The following ASTN2 variants were observed in gnomAD, a reference collection of about 807,000 sequenced individuals.
The protein encoded by ASTN2 is astrotactin 2, also known as astrotactin-2.
Under a neutral mutation model 139.8 loss-of-function variants are expected in ASTN2, and 54 were observed. That is an observed-to-expected ratio of 0.39 (90% CI 0.31 to 0.48). ASTN2 has a LOEUF of 0.48. Among genes scored for constraint, ASTN2 ranks in the 20% least tolerant of loss-of-function variants. ASTN2 has a pLI of 0.95. For missense variants in ASTN2, 1,565 were observed against 1,725.1 expected, an observed-to-expected ratio of 0.91 and a Z score of 1.64; for synonymous variants, 756 against 719.5, an observed-to-expected ratio of 1.05 and a Z score of -0.81.
chr9:116,780,647 C>T (rs1588287282), intron 13 of ASTN2, among the ~76,000 whole-genome samples: 1 of 152,140 alleles, frequency 6.6e-6, no homozygotes, highest in Admixed American at 6.5e-5. Context: ...AACCTCATGA[C>T]CCTGGGCAAG....
chr9:117,414,395 G>A lies in ASTN2; in HGVS notation c.442+102C>T. ...TCTACCCTCTGCCAACCCCACTCGG[G>A]GCAGCCCCGGGCAGGGATCCCCAGG... On this transcript the variant is annotated intron_variant, in intron 1 of 22. Transcript: ENST00000313400. This position sits in a 1 kb window ranked among gnomAD's most constrained non-coding sequence, Gnocchi z 4.2. 3.9e-6 allele frequency: 6 copies of A among 1,537,116 alleles called. No individual in the cohort carries two copies. Among genetic ancestry groups the A allele is most frequent in the South Asian group, 1.2e-5 (1 of 82,356 alleles).
At chr9:116,907,679 A>T (rs1393770637) in intron 10 of ASTN2, among the ~76,000 whole-genome samples, 2 of 152,224 alleles carry the variant, frequency 1.3e-5, no homozygotes, top group Non-Finnish European at 2.9e-5. Context: ...TTTGGCAGAA[A>T]GGGGCTATGT....
chr9:116,450,234 C>T (rs565193086), intron 20 of ASTN2, among the ~76,000 whole-genome samples: 1 of 152,284 alleles, frequency 6.6e-6, no homozygotes, highest in East Asian at 1.9e-4. Context: ...GCTGCTTTCA[C>T]ACTACAATGG....
chr9:116,725,026 A>T (rs1236517421), intron 16 of ASTN2, among the ~76,000 whole-genome samples: 1 of 152,188 alleles, frequency 6.6e-6, no homozygotes, highest in Admixed American at 6.5e-5. Flanking sequence ...AAACACATAT[A>T]TACACATGTG....
rs769660603 is a variant in ASTN2, at chr9:116,784,206, C to T, written c.2396+21426G>A. Among the ~76,000 whole-genome samples the T allele has an allele frequency of 3.6e-4, 55 of 152,170 alleles. 1 individual carries two copies. The highest frequency in any genetic ancestry group is 5.9e-4 in the Non-Finnish European group (40 of 68,028). On this transcript the variant is annotated intron_variant, in intron 13 of 22. Coordinates refer to ENST00000313400, the MANE Select transcript of ASTN2 (RefSeq NM_001365068.1). ...AGTCTGTATTGTGTTTACTTCCCCA[C>T]TTTTCTCCTGAACAATTCAATCATA...
intron 2 of ASTN2, among the ~76,000 whole-genome samples, chr9:117,260,982 T>C (rs1833809930): frequency 6.6e-6 from 1 of 152,236 alleles, no homozygotes; most frequent in Non-Finnish European, 1.5e-5. Flanking sequence ...TATCTGTTTA[T>C]GTAAACATGA....
At chr9:116,964,215 G>GT (rs764131870) in intron 10 of ASTN2, among the ~76,000 whole-genome samples, 2 of 104,566 alleles carry the variant, frequency 1.9e-5, no homozygotes, top group Admixed American at 1.1e-4. Flanking sequence ...GACTGCCCTG[G>GT]GGTGTGTGTG....
chr9:116,901,774 G>T (rs571996442), intron 10 of ASTN2, among the ~76,000 whole-genome samples: 1 of 152,188 alleles, frequency 6.6e-6, no homozygotes, highest in African/African-American at 2.4e-5. Context: ...GGTGGCTCAC[G>T]CCTGTAATCC....
chr9:116,945,994 G>C lies in ASTN2; in HGVS notation c.1889+29214C>G, dbSNP rs956105576. Among the ~76,000 whole-genome samples, 5 of 152,342 alleles carry C rather than the reference G, an allele frequency of 3.3e-5. No homozygotes were observed. In the South Asian group the frequency reaches 6.2e-4, roughly 19 times the overall value. The stretch of plus-strand genomic sequence containing the variant: ...CAAAGGGGAAGCAAGGTCCTCCTTC[G>C]CATGGTGGTAGGAGAGAGAGAGAGC... On this transcript the variant is annotated intron_variant, in intron 10 of 22. Transcript: ENST00000313400.
intron 10 of ASTN2, among the ~76,000 whole-genome samples, chr9:116,888,350 G>A (rs1280329655): frequency 6.6e-6 from 1 of 152,170 alleles, no homozygotes; most frequent in Non-Finnish European, 1.5e-5. Flanking sequence ...GTACATACAG[G>A]CAGTGACAAC....
chr9:116,442,425 T>C, intron 21 of ASTN2, 28 bp downstream of exon 21: 1 of 1,576,024 alleles, frequency 6.3e-7, no homozygotes, highest in East Asian at 2.2e-5. Context: ...TGGGAGTTAC[T>C]TTGGAGTTGA....
chr9:116,914,255 C>A (rs547585203), intron 10 of ASTN2, among the ~76,000 whole-genome samples: 24 of 151,978 alleles, frequency 1.6e-4, no homozygotes, highest in African/African-American at 5.1e-4. Context: ...CTGTTACTGA[C>A]TAGCTATGTG....
At chr9:116,998,175 G>T (rs369361127) in intron 7 of ASTN2, among the ~76,000 whole-genome samples, 14 of 152,242 alleles carry the variant, frequency 9.2e-5, no homozygotes, top group African/African-American at 3.1e-4. Flanking sequence ...TTTAATTCAG[G>T]TTCTAGTAAA....
chr9:116,634,929 G>C (rs1856999759), intron 17 of ASTN2, among the ~76,000 whole-genome samples: 1 of 151,684 alleles, frequency 6.6e-6, no homozygotes, highest in African/African-American at 2.4e-5. Flanking sequence ...AAGAGGATTG[G>C]GGGAGAAAAA....
intron 13 of ASTN2, among the ~76,000 whole-genome samples, chr9:116,775,275 A>C (rs770769257): frequency 6.6e-6 from 1 of 151,914 alleles, no homozygotes; most frequent in African/African-American, 2.4e-5. Context: ...AAGGAAGAAA[A>C]AAAATCAATG....
At chr9:117,153,520 T>C (rs187511971) in intron 3 of ASTN2, among the ~76,000 whole-genome samples, 6 of 152,268 alleles carry the variant, frequency 3.9e-5, no homozygotes, top group Admixed American at 3.3e-4. Flanking sequence ...ATCTCTATCT[T>C]ATAAATGCGT....
At chr9:116,555,680 T>G (rs965674330) in intron 19 of ASTN2, among the ~76,000 whole-genome samples, 10 of 152,014 alleles carry the variant, frequency 6.6e-5, no homozygotes, top group African/African-American at 2.4e-4. Context: ...GGATGATGGA[T>G]TTTTCCATGG....
intron 3 of ASTN2, among the ~76,000 whole-genome samples, chr9:117,178,546 C>T (rs1414843524): frequency 1.3e-5 from 2 of 152,160 alleles, no homozygotes; most frequent in Admixed American, 1.3e-4. Context: ...TCCCCAACAT[C>T]CCTCACTAAC....
chr9:117,081,026 C>A (rs919866946), intron 5 of ASTN2, among the ~76,000 whole-genome samples: 82 of 152,148 alleles, frequency 5.4e-4, no homozygotes, highest in African/African-American at 1.8e-3. Flanking sequence ...AGAGTAGAGG[C>A]CACTTTTTCT....
Sources: gnomAD v4.1 joint callset for allele counts (sites outside exome capture counted in the v4.1 genomes callset) on GRCh38, gnomAD v4.1.1 for gene constraint, Gnocchi (gnomAD v3.1) non-coding constraint, MANE v1.5 for transcripts, NCBI Gene and HGNC (gene_info 2026-07-23, HGNC 2026-07-21) for gene names.